The following MED26 variants were observed in gnomAD, a reference collection of about 807,000 sequenced individuals.
The protein encoded by MED26 is mediator complex subunit 26.
MED26 carries 7 observed loss-of-function variants against 43.7 expected under a neutral mutation model. The observed-to-expected ratio is 0.16, with a 90% confidence interval of 0.09 to 0.30. The LOEUF is 0.30. MED26 is among the 10% of genes least tolerant of loss of function. The probability of loss-of-function intolerance (pLI) is 1.00; values close to 1 mark genes in which losing one functional copy is unlikely to be tolerated. For missense variants in MED26, 784 were observed against 840.6 expected, an observed-to-expected ratio of 0.93 and a Z score of 0.83; for synonymous variants, 375 against 371.1, an observed-to-expected ratio of 1.01 and a Z score of -0.12.
At chr19:16,622,992 G>A (rs1183212364) in intron 1 of MED26, among the ~76,000 whole-genome samples, 1 of 152,122 alleles carries the variant, frequency 6.6e-6, no homozygotes, top group African/African-American at 2.4e-5. Context: ...GCTGCCCAGG[G>A]GCTGACGTGA....
At chr19:16,622,007 G>C (rs750445984) in intron 1 of MED26, among the ~76,000 whole-genome samples, 21 of 152,162 alleles carry the variant, frequency 1.4e-4, no homozygotes, top group Non-Finnish European at 2.9e-4. Context: ...ACAGCAGAGA[G>C]GGAAAACTGT....
intron 1 of MED26, among the ~76,000 whole-genome samples, chr19:16,608,270 G>A (rs1456000348): frequency 1.3e-5 from 2 of 152,334 alleles, no homozygotes; most frequent in East Asian, 3.9e-4. Flanking sequence ...CATTATATAA[G>A]CTTACAATAA....
chr19:16,578,392 C>T lies in MED26; in HGVS notation c.90G>A (p.Ala30=), dbSNP rs373605281. Residue 30 remains alanine (A), a synonymous_variant, in exon 2 of 3, where the codon GCG becomes GCA. Coordinates refer to ENST00000263390, the MANE Select transcript of MED26 (RefSeq NM_004831.5). ...CCAGGCTGGAGATGACTTCCAGCACCGCCACCATGTTCCGGATCTGTGGAA... is the reference window on the plus strand; with the variant it reads ...CCAGGCTGGAGATGACTTCCAGCACTGCCACCATGTTCCGGATCTGTGGAA... ...DPQSNIRNMV[A]VLEVISSLEK... 446 of 1,613,936 alleles carry T rather than the reference C, an allele frequency of 2.8e-4. No individual in the cohort carries two copies. Among genetic ancestry groups the T allele is most frequent in the Non-Finnish European group, 3.5e-4 (414 of 1,179,978 alleles).
At chr19:16,603,597 C>T (rs1402879181) in intron 1 of MED26, among the ~76,000 whole-genome samples, 1 of 152,270 alleles carries the variant, frequency 6.6e-6, no homozygotes, top group South Asian at 2.1e-4. Flanking sequence ...GGACCTCAGC[C>T]CCTGAGCCGC....
chr19:16,625,537 T>C (rs997487936), intron 1 of MED26, among the ~76,000 whole-genome samples: 66 of 149,532 alleles, frequency 4.4e-4, no homozygotes, highest in African/African-American at 1.6e-3. Flanking sequence ...TTCAACACTG[T>C]CCCCGTTTTT....
intron 1 of MED26, among the ~76,000 whole-genome samples, chr19:16,625,231 T>C (rs771357325): frequency 2.6e-5 from 4 of 152,210 alleles, no homozygotes; most frequent in Non-Finnish European, 5.9e-5. Flanking sequence ...GCAGAAATTA[T>C]TAACTCTGAG....
At chr19:16,579,853 G>A (rs923966823) in intron 1 of MED26, among the ~76,000 whole-genome samples, 4 of 152,168 alleles carry the variant, frequency 2.6e-5, no homozygotes, top group South Asian at 2.1e-4. Context: ...GTATATAGGC[G>A]TATACATCCA....
intron 1 of MED26, among the ~76,000 whole-genome samples, chr19:16,610,156 A>G (rs2086193198): frequency 6.6e-6 from 1 of 151,906 alleles, no homozygotes; most frequent in Admixed American, 6.6e-5. Flanking sequence ...GCTACTTGGG[A>G]GGCTGAGGCA....
chr19:16,627,900 A>G lies in MED26; in HGVS notation c.44T>C (p.Leu15Pro). 6.7e-7 allele frequency: 1 copy of G among 1,500,094 alleles called. No individual in the cohort carries two copies. The allele number at this position is 1,500,094 out of a possible 1,614,324, so 92.9% of individuals were successfully genotyped here. ...GCTCTGGGGGTCGATGGCCTGCAGC[A>G]GCCGGTCCCTGATCTGCTGCGGAGA... ...PASPQQIRDR[L>P]LQAIDPQSNI... Residue 15 changes from leucine (L) to proline (P), a missense_variant, in exon 1 of 3, where the codon CTG (leucine) becomes CCG (proline). Transcript: ENST00000263390.
At chr19:16,594,532 T>C (rs189121973) in intron 1 of MED26, among the ~76,000 whole-genome samples, 1 of 152,246 alleles carries the variant, frequency 6.6e-6, no homozygotes, top group East Asian at 1.9e-4. Context: ...TGTCATGACA[T>C]GTCCAAGGCA....
intron 1 of MED26, among the ~76,000 whole-genome samples, chr19:16,591,348 C>G (rs959123947): frequency 6.6e-6 from 1 of 151,550 alleles, no homozygotes; most frequent in Non-Finnish European, 1.5e-5. Context: ...TGAGAATGCA[C>G]ACAATGCACT....
intron 1 of MED26, among the ~76,000 whole-genome samples, chr19:16,599,972 T>C (rs1262127692): frequency 2.0e-5 from 3 of 152,142 alleles, no homozygotes; most frequent in African/African-American, 7.2e-5. Context: ...AAGTTAGACC[T>C]AGATGGATGC....
At chr19:16,599,931 G>A (rs1389892292) in intron 1 of MED26, among the ~76,000 whole-genome samples, 1 of 152,196 alleles carries the variant, frequency 6.6e-6, no homozygotes, top group Non-Finnish European at 1.5e-5. Flanking sequence ...CACCACCAAA[G>A]GGCACTAACC....
intron 1 of MED26, among the ~76,000 whole-genome samples, chr19:16,623,314 C>A (rs1026523221): frequency 6.6e-6 from 1 of 152,198 alleles, no homozygotes; most frequent in African/African-American, 2.4e-5. Flanking sequence ...GTCCCTGAAT[C>A]TGGGCAATTG....
rs2086024785 is a variant in MED26 at position 16,578,371 on chromosome 19, G to T, written c.111C>A (p.Ser37Arg). 1.2e-6 allele frequency: 2 copies of T among 1,613,862 alleles called. No individual in the cohort carries two copies. The highest frequency in any genetic ancestry group is 1.7e-6 in the Non-Finnish European group (2 of 1,179,962). The change falls in exon 2 of 3, where the codon AGC (serine) becomes AGA (arginine). Residue 37 changes from serine to arginine, a missense_variant. Physicochemically the swap from Ser to Arg is moderately radical, Grantham distance 110. This residue lies in a region of MED26 where 28 missense variants were observed against 79.4 expected (regional missense o/e 0.35). Transcript: ENST00000263390. ...CTTTGGTAATAGGGTATTTCTCCAG[G>T]CTGGAGATGACTTCCAGCACCGCCA... is the stretch of plus-strand genomic sequence containing the variant. ...NMVAVLEVIS[S>R]LEKYPITKEA...
In MED26 at chr19:16,598,178, T is replaced by TA. The variant is rs1023935042; in HGVS notation, c.73-19770dup. On this transcript the variant is annotated intron_variant, in intron 1 of 2. Coordinates refer to ENST00000263390, the MANE Select transcript of MED26 (RefSeq NM_004831.5). ...GGTGAAACCCTGTGTCTACTAAAAATAAAAAAAAATTAGCCGGGCGAGGTG... is the reference window on the plus strand; with the variant it reads ...GGTGAAACCCTGTGTCTACTAAAAATAAAAAAAAAATTAGCCGGGCGAGGTG... 5.0e-4 allele frequency among the ~76,000 whole-genome samples: 74 copies of TA among 148,054 alleles called. 1 individual carries two copies. Among genetic ancestry groups the TA allele is most frequent in the African/African-American group, 1.7e-3 (70 of 40,468 alleles).
rs139271259 is a variant in MED26 at position 16,577,207 on chromosome 19, C to T, written c.623G>A (p.Arg208His). 297 of 1,613,260 alleles carry T rather than the reference C, an allele frequency of 1.8e-4. 4 individuals carry two copies. The South Asian group carries it at 2.5e-3, about 13-fold the overall frequency. The change falls in exon 3 of 3, where the codon CGC becomes CAC. Residue 208 changes from arginine to histidine, a missense_variant. This residue lies in a region of MED26 where 719 missense variants were observed against 730.9 expected (regional missense o/e 0.98). Transcript: ENST00000263390. This position sits in a 1 kb window ranked among gnomAD's most constrained non-coding sequence, Gnocchi z 8.1. ...GSGHAGPEGS[R>H]LERDENDKHS... ...CTTGTCATTCTCGTCACGCTCCAGG[C>T]GGCTGCCCTCTGGGCCTGCATGCCC...
rs1244933490 is a variant in MED26 at position 16,587,244 on chromosome 19, C to A, written c.73-8835G>T. On this transcript the variant is annotated intron_variant, in intron 1 of 2. Transcript: ENST00000263390. This position sits in a 1 kb window ranked among gnomAD's most constrained non-coding sequence, Gnocchi z 4.9. ...AAGTCTTCCTGCTTCTGACAAACTCCGCACGTGTTCCCAGGCAGCTGGGAG... is the reference window on the plus strand; with the variant it reads ...AAGTCTTCCTGCTTCTGACAAACTCAGCACGTGTTCCCAGGCAGCTGGGAG... 6.6e-6 allele frequency: 1 copy of A among 152,148 alleles called. No individual in the cohort carries two copies. Among genetic ancestry groups the A allele is most frequent in the Non-Finnish European group, 1.5e-5 (1 of 68,058 alleles). The allele number at this position is 152,148 out of a possible 1,614,324, so 9.4% of individuals were successfully genotyped here.
In MED26 at chr19:16,575,889, G is replaced by C; in HGVS notation, c.*138C>G. ...AGCGCAGAGAGACCGCGTGACTCCC[G>C]CCCCCTCCCTCCCGCCTGGGCCGGA... On this transcript the variant is annotated 3_prime_UTR_variant, in exon 3 of 3. Coordinates refer to ENST00000263390, the MANE Select transcript of MED26 (RefSeq NM_004831.5). The C allele has an allele frequency of 2.3e-5, 15 of 658,888 alleles. No individual in the cohort carries two copies. The highest frequency in any genetic ancestry group is 2.8e-5 in the Non-Finnish European group (11 of 386,838). 40.8% of individuals were successfully genotyped at this position (658,888 alleles called of 1,614,324 possible).
Sources: allele counts gnomAD v4.1 joint callset (sites outside exome capture counted in the v4.1 genomes callset), GRCh38; gene constraint gnomAD v4.1.1; regional missense constraint gnomAD v4.1.1; non-coding constraint Gnocchi (gnomAD v3.1); transcripts MANE v1.5; gene names NCBI Gene and HGNC (gene_info 2026-07-23, HGNC 2026-07-21).